DSG2: variants seen among roughly 807,000 people sequenced by gnomAD.
The protein encoded by DSG2 is desmoglein-2.
DSG2 carries 45 observed loss-of-function variants against 75.6 expected under a neutral mutation model. The ratio of observed to expected loss-of-function variants is 0.60; its 90% CI spans 0.47 to 0.76. DSG2 has a LOEUF of 0.76. Ranked by LOEUF, DSG2 falls within the 30% of genes least tolerant of loss-of-function variation. The pLI is 0.00. For synonymous variants in DSG2, 429 were observed against 483.9 expected, an observed-to-expected ratio of 0.89 and a Z score of 1.49; for missense variants, 1,267 against 1,357.4, an observed-to-expected ratio of 0.93 and a Z score of 1.05.
intron 12 of DSG2, among the ~76,000 whole-genome samples, chr18:31,539,431 T>C (rs1178816180): frequency 1.3e-5 from 2 of 152,200 alleles, no homozygotes; most frequent in Non-Finnish European, 2.9e-5. Context: ...ATTCAACTTA[T>C]CAGAGCTCCG....
At position 31,520,884 on chromosome 18, in the gene DSG2, G is replaced by C. The variant is rs754405184; in HGVS notation, c.298G>C (p.Gly100Arg). 1.2e-6 allele frequency: 2 copies of C among 1,613,494 alleles called. No individual in the cohort carries two copies. The highest frequency in any genetic ancestry group is 1.7e-6 in the Non-Finnish European group (2 of 1,179,644). Residue 100 changes from glycine (G) to arginine (R), a missense_variant, in exon 4 of 15, where the codon GGT becomes CGT. Physicochemically the swap from Gly to Arg is moderately radical, Grantham distance 125. Coordinates refer to ENST00000261590, the MANE Select transcript of DSG2 (RefSeq NM_001943.5). ...AAAAGGGATTACAGAGCCACCTTTT[G>C]GTATATTTGTCTTTAACAAAGATAC... ...TGKGITEPPFGIFVFNKDTGE... is the reference protein window; with the variant it reads ...TGKGITEPPFRIFVFNKDTGE...
Position 31,546,120 on chromosome 18 carries a change from G to A in DSG2, c.2734G>A (p.Val912Met). ...TCAGGAAATAGTCACTGAAAGATCT[G>A]TGTCTTCTAGGCAGGCGCAAAAGGT... ...VTQEIVTERS[V>M]SSRQAQKVAT... The change falls in exon 15 of 15, where the codon GTG becomes ATG. Residue 912 changes from valine to methionine, a missense_variant. Transcript: ENST00000261590. The A allele has an allele frequency of 6.2e-7, 1 of 1,614,166 alleles. No individual in the cohort carries two copies. Among genetic ancestry groups the A allele is most frequent in the Non-Finnish European group, 8.5e-7 (1 of 1,180,030 alleles).
Position 31,546,657 on chromosome 18 carries a change from G to A in DSG2, c.3271G>A (p.Glu1091Lys), listed in dbSNP as rs752957511. ...TGGCCCTCTGCCAGATTTTGGTTTAGAGGAATCTGGTCATTCTAATTCTAC... is the reference window on the plus strand; with the variant it reads ...TGGCCCTCTGCCAGATTTTGGTTTAAAGGAATCTGGTCATTCTAATTCTAC... The part of the protein sequence containing the change: ...VPGPLPDFGL[E>K]ESGHSNSTIT... Residue 1091 changes from glutamate to lysine, a missense_variant, in exon 15 of 15, where the codon GAG becomes AAG. By Grantham distance (56) the Glu-to-Lys change is moderately conservative (BLOSUM62 1). Coordinates refer to ENST00000261590, the MANE Select transcript of DSG2 (RefSeq NM_001943.5). 7 of 1,614,172 alleles carry A rather than the reference G, an allele frequency of 4.3e-6. No homozygotes were observed. Among genetic ancestry groups the A allele is most frequent in the Non-Finnish European group, 5.1e-6 (6 of 1,180,026 alleles).
chr18:31,534,061 G>T (rs546753190), intron 9 of DSG2, among the ~76,000 whole-genome samples: 1 of 149,008 alleles, frequency 6.7e-6, no homozygotes, highest in East Asian at 2.0e-4. Flanking sequence ...CACGATCTCG[G>T]CTTACTGCAA....
At chr18:31,542,470 G>T (rs1444180713) in intron 13 of DSG2, 50 bp from the exon 14 acceptor site, 4 of 1,599,212 alleles carry the variant, frequency 2.5e-6, no homozygotes, top group South Asian at 2.2e-5. Context: ...AAGGATGAAG[G>T]ATTCCCTCCA....
At chr18:31,524,239 TTGAC>T (rs776904894) in intron 6 of DSG2, among the ~76,000 whole-genome samples, 107 of 152,228 alleles carry the variant, frequency 7.0e-4, no homozygotes, top group Non-Finnish European at 1.4e-3. Context: ...ATTGAAGAAT[TTGAC>T]TATCTACAAC....
chr18:31,510,544 G>A (rs1391092817), intron 1 of DSG2, among the ~76,000 whole-genome samples: 1 of 151,800 alleles, frequency 6.6e-6, no homozygotes, highest in African/African-American at 2.4e-5. Context: ...TGAAAACAAA[G>A]AGTACATTGA....
intron 1 of DSG2, among the ~76,000 whole-genome samples, chr18:31,503,334 G>A (rs1314372296): frequency 2.6e-5 from 4 of 152,168 alleles, no homozygotes; most frequent in African/African-American, 4.8e-5. Context: ...TATCCCAGCT[G>A]GTATCTGAGA....
intron 9 of DSG2, 87 bp downstream of exon 9, chr18:31,531,339 A>G (rs2073197746): frequency 2.7e-6 from 4 of 1,465,442 alleles, no homozygotes; most frequent in Admixed American, 3.6e-5. Flanking sequence ...TGAACACTTC[A>G]TTCCTTCAAA....
chr18:31,513,010 T>C (rs1290480815), intron 1 of DSG2, among the ~76,000 whole-genome samples: 6 of 152,256 alleles, frequency 3.9e-5, no homozygotes, highest in Non-Finnish European at 5.9e-5. Context: ...TCATAAATTC[T>C]GTTTATTGAA....
rs760119108 is a variant in DSG2, at chr18:31,531,100, G to T, written c.1128G>T (p.Lys376Asn). The change falls in exon 9 of 15, where the codon AAG (lysine) becomes AAT (asparagine). Residue 376 changes from lysine (K) to asparagine (N), a missense_variant. Lys to Asn is a moderately conservative substitution (Grantham distance 94). Transcript: ENST00000261590. ...ACAAGCCTACACCCATTCCCATCAA[G>T]GTCAAAGTGAAAAATGTGAAAGAAG... ...SKYKPTPIPI[K>N]VKVKNVKEGI... 3 of 1,613,998 alleles carry T rather than the reference G, an allele frequency of 1.9e-6. No homozygotes were observed. Among genetic ancestry groups the T allele is most frequent in the Non-Finnish European group, 1.7e-6 (2 of 1,179,972 alleles).
rs74578148 is a variant in DSG2 at position 31,542,729 on chromosome 18, C to T, written c.2211C>T (p.Gly737=). 805 of 1,614,138 alleles carry T rather than the reference C, an allele frequency of 5.0e-4. 4 individuals carry two copies. The African/African-American group carries it at 8.9e-3, about 18-fold the overall frequency. ...CTACCCAGTTTACAGGGGCCACAGG[C>T]GCTATCATGACCACTGAAACCACGA... The part of the protein sequence containing the change: ...GRATQFTGAT[G]AIMTTETTKT... The change falls in exon 14 of 15, where the codon GGC becomes GGT. Residue 737 remains glycine (G), a synonymous_variant. Transcript: ENST00000261590.
intron 1 of DSG2, among the ~76,000 whole-genome samples, chr18:31,510,311 TA>T (rs1268887478): frequency 6.6e-6 from 1 of 152,244 alleles, no homozygotes; most frequent in Admixed American, 6.5e-5. Context: ...CATCCATTTT[TA>T]ATAAGGTATC....
chr18:31,523,732 T>C lies in DSG2; in HGVS notation c.691-716T>C, dbSNP rs547288528. On this transcript the variant is annotated intron_variant, in intron 6 of 14. Coordinates refer to ENST00000261590, the MANE Select transcript of DSG2 (RefSeq NM_001943.5). ...AAACCCTGTGAGGCAGATTCACTTA[T>C]TATCCTCATCTTACACATAAAGAAC... Among the ~76,000 whole-genome samples, 82 of 152,310 alleles carry C rather than the reference T, an allele frequency of 5.4e-4. 1 individual carries two copies. The South Asian group carries it at 0.016, about 30-fold the overall frequency.
intron 1 of DSG2, among the ~76,000 whole-genome samples, chr18:31,499,842 T>G (rs1324688938): frequency 6.6e-6 from 1 of 152,174 alleles, no homozygotes; most frequent in African/African-American, 2.4e-5. Context: ...TACTTTTACC[T>G]TATTGGGCAG....
intron 8 of DSG2, among the ~76,000 whole-genome samples, chr18:31,525,925 G>A (rs867617936): frequency 2.7e-4 from 41 of 152,192 alleles, no homozygotes; most frequent in African/African-American, 9.4e-4. Context: ...GGCGGATCAC[G>A]AGGTCAGGAG....
chr18:31,519,199 T>C (rs974551428), intron 2 of DSG2, among the ~76,000 whole-genome samples: 17 of 152,224 alleles, frequency 1.1e-4, no homozygotes, highest in African/African-American at 4.1e-4. Context: ...TTTGTAAGGC[T>C]ACTAAATGAT....
intron 4 of DSG2, 25 bp from the exon 5 acceptor site, chr18:31,521,074 A>C (rs1462915857): frequency 1.2e-6 from 2 of 1,613,480 alleles, no homozygotes; most frequent in African/African-American, 1.3e-5. Flanking sequence ...GCTTAAATCT[A>C]ATCTTATTTA....
rs1267795586 is a variant in DSG2 at position 31,519,869 on chromosome 18, G to A, written c.148G>A (p.Ala50Thr). 2.2e-5 allele frequency: 35 copies of A among 1,613,984 alleles called. No individual in the cohort carries two copies. In the Admixed American group the frequency reaches 4.5e-4, roughly 21 times the overall value. Residue 50 changes from alanine to threonine, a missense_variant, in exon 3 of 15, where the codon GCC becomes ACC. Coordinates refer to ENST00000261590, the MANE Select transcript of DSG2 (RefSeq NM_001943.5). ...KHPHLVRQKR[A>T]WITAPVALRE... Reference sequence around the variant, plus strand: ...TCCTCATTTAGTGCGGCAAAAGCGCGCCTGGATCACCGCCCCCGTGGCTCT... The same window carrying A: ...TCCTCATTTAGTGCGGCAAAAGCGCACCTGGATCACCGCCCCCGTGGCTCT...
Sources: gnomAD v4.1 joint callset for allele counts (sites outside exome capture counted in the v4.1 genomes callset) on GRCh38, gnomAD v4.1.1 for gene constraint, MANE v1.5 for transcripts, NCBI Gene and HGNC (gene_info 2026-07-23, HGNC 2026-07-21) for gene names.